The following MEIS2 variants were observed in gnomAD, a reference collection of about 807,000 sequenced individuals.
MEIS2 encodes the protein Meis homeobox 2.
MEIS2 carries 9 observed loss-of-function variants against 58.6 expected under a neutral mutation model. That is an observed-to-expected ratio of 0.15 (90% CI 0.09 to 0.27). The LOEUF is 0.27. Among genes scored for constraint, MEIS2 ranks in the 10% least tolerant of loss-of-function variants. The pLI, the probability that MEIS2 is intolerant of heterozygous loss-of-function variation, is 1.00. For missense variants in MEIS2, 427 were observed against 635.0 expected, an observed-to-expected ratio of 0.67 and a Z score of 3.52; for synonymous variants, 221 against 228.4, an observed-to-expected ratio of 0.97 and a Z score of 0.29.
intron 8 of MEIS2, among the ~76,000 whole-genome samples, chr15:36,989,182 T>C (rs1277263932): frequency 1.3e-5 from 2 of 152,202 alleles, no homozygotes; most frequent in East Asian, 3.8e-4. Flanking sequence ...AAGAGTCATG[T>C]TCTTTGAGAG....
At chr15:37,091,470 G>A (rs1893506221) in intron 6 of MEIS2, among the ~76,000 whole-genome samples, 1 of 152,158 alleles carries the variant, frequency 6.6e-6, no homozygotes, top group Admixed American at 6.5e-5. Flanking sequence ...GACACCCAAT[G>A]AAGTGGCAAG....
intron 8 of MEIS2, 30 bp downstream of exon 8, chr15:37,036,784 A>ATTTTTTTTTTT (rs199651822): frequency 1.4e-6 from 2 of 1,479,164 alleles, no homozygotes; most frequent in Admixed American, 1.8e-5. Context: ...AACAAAAACT[A>ATTTTTTTTTTT]TTTTTTTTTT....
Position 37,095,573 on chromosome 15 carries a change from C to T in MEIS2, c.429G>A (p.Leu143=), listed in dbSNP as rs1230153257. The stretch of plus-strand genomic sequence containing the variant: ...GAACAGAGAGCCTTACCAAATTGTC[C>T]AGCTCTGGATTTGAGGAAAAAAGTG... ...EKPLFSSNPE[L]DNLMIQAIQV... Residue 143 remains leucine (L), a synonymous_variant, in exon 4 of 12, where the codon CTG becomes CTA. Transcript: ENST00000561208. 5 of 1,614,188 alleles carry T rather than the reference C, an allele frequency of 3.1e-6. No individual in the cohort carries two copies. The highest frequency in any genetic ancestry group is 4.2e-6 in the Non-Finnish European group (5 of 1,180,034).
chr15:37,068,405 G>A (rs1200363555), intron 7 of MEIS2, among the ~76,000 whole-genome samples: 1 of 152,154 alleles, frequency 6.6e-6, no homozygotes, highest in Non-Finnish European at 1.5e-5. Context: ...CAAATTTTGG[G>A]AGTGCTAACA....
chr15:36,916,108 C>T (rs748291799), intron 9 of MEIS2, among the ~76,000 whole-genome samples: 2 of 151,786 alleles, frequency 1.3e-5, no homozygotes, highest in Non-Finnish European at 2.9e-5. Flanking sequence ...TCCTTTTCTT[C>T]TTCTTCTTTT....
At chr15:36,936,321 G>A (rs889616778) in intron 9 of MEIS2, among the ~76,000 whole-genome samples, 2 of 151,486 alleles carry the variant, frequency 1.3e-5, no homozygotes, top group South Asian at 2.1e-4. Flanking sequence ...TCAGCCTCCC[G>A]AGTAGCTGGG....
At chr15:37,058,132 T>C (rs1185339607) in intron 7 of MEIS2, among the ~76,000 whole-genome samples, 1 of 152,076 alleles carries the variant, frequency 6.6e-6, no homozygotes, top group Non-Finnish European at 1.5e-5. Context: ...AATGGACTCA[T>C]TCTTTTCTCC....
At chr15:36,913,888 G>A (rs545607354) in intron 9 of MEIS2, among the ~76,000 whole-genome samples, 2 of 152,280 alleles carry the variant, frequency 1.3e-5, no homozygotes, top group Admixed American at 6.5e-5. Context: ...CCGCCATCTT[G>A]TTTTGCTTTG....
Position 36,906,468 on chromosome 15 carries a change from G to T in MEIS2, c.978-9782C>A, listed in dbSNP as rs571329913. Among the ~76,000 whole-genome samples, 8 of 152,200 alleles carry T rather than the reference G, an allele frequency of 5.3e-5. No individual in the cohort carries two copies. In the East Asian group the frequency reaches 5.8e-4, roughly 11 times the overall value. The stretch of plus-strand genomic sequence containing the variant: ...AAAAAGGAGAGATACAAATACAAAA[G>T]ATATTAAGAGGATAAGTCTGAGAAT... On this transcript the variant is annotated intron_variant, in intron 9 of 11. Coordinates refer to ENST00000561208, the MANE Select transcript of MEIS2 (RefSeq NM_170675.5).
intron 8 of MEIS2, among the ~76,000 whole-genome samples, chr15:36,980,550 C>A (rs775086779): frequency 6.6e-6 from 1 of 152,080 alleles, no homozygotes; most frequent in Admixed American, 6.6e-5. Flanking sequence ...ATGGGAAACA[C>A]CTGCCCCCAT....
chr15:37,072,497 C>CT (rs904617581), intron 7 of MEIS2, among the ~76,000 whole-genome samples: 3 of 151,998 alleles, frequency 2.0e-5, no homozygotes, highest in East Asian at 3.9e-4. Flanking sequence ...TCTCCAGCCT[C>CT]TTTTTTTTCA....
chr15:36,890,100 C>T lies in MEIS2; in HGVS notation c.*2073G>A, dbSNP rs1194852487. ...AGCCCCAAATAATAACTATGGATTT[C>T]TTCCAAGTTTAAGTTTGCAGAGATG... is the stretch of plus-strand genomic sequence containing the variant. On this transcript the variant is annotated 3_prime_UTR_variant, in exon 12 of 12. Coordinates refer to ENST00000561208, the MANE Select transcript of MEIS2 (RefSeq NM_170675.5). 1 of 152,158 alleles carries T rather than the reference C, an allele frequency of 6.6e-6. No homozygotes were observed. The highest frequency in any genetic ancestry group is 1.5e-5 in the Non-Finnish European group (1 of 68,002). 9.4% of individuals were successfully genotyped at this position (152,158 alleles called of 1,614,324 possible). A position where few individuals can be genotyped will look rare whatever the true frequency, so the allele number is the denominator to read the frequency against.
chr15:37,045,780 C>T (rs1275153792), intron 7 of MEIS2, among the ~76,000 whole-genome samples: 3 of 152,064 alleles, frequency 2.0e-5, no homozygotes, highest in East Asian at 1.9e-4. Flanking sequence ...GTTCATGGCC[C>T]GCTAGCATGG....
At chr15:37,098,379 G>GGGGAGAGAGAGAGAGAGAGAGA (rs1555474098) in intron 1 of MEIS2, 180 bp from the exon 2 acceptor site, 1 of 293,106 alleles carries the variant, frequency 3.4e-6, no homozygotes, top group Non-Finnish European at 4.2e-6. Flanking sequence ...GAGGAGAGGG[G>GGGGAGAGAGAGAGAGAGAGAGA]GAGAGAGAGA....
intron 8 of MEIS2, among the ~76,000 whole-genome samples, chr15:37,032,306 G>A (rs2061963055): frequency 1.3e-5 from 2 of 152,166 alleles, no homozygotes; most frequent in South Asian, 2.1e-4. Flanking sequence ...CACAACTGGA[G>A]GAGCTCTTGA....
chr15:36,992,012 C>A (rs1169233867), intron 8 of MEIS2, among the ~76,000 whole-genome samples: 2 of 151,182 alleles, frequency 1.3e-5, no homozygotes, highest in African/African-American at 4.9e-5. Context: ...TGGTCTCGAT[C>A]TCCTGACCTC....
chr15:36,971,419 C>T (rs2059553119), intron 8 of MEIS2, among the ~76,000 whole-genome samples: 1 of 151,020 alleles, frequency 6.6e-6, no homozygotes, highest in Admixed American at 6.6e-5. Context: ...TGCCTATATG[C>T]CAAAGCTCCT....
intron 8 of MEIS2, among the ~76,000 whole-genome samples, chr15:37,016,800 C>T (rs987500484): frequency 1.3e-5 from 2 of 152,152 alleles, no homozygotes; most frequent in African/African-American, 4.8e-5. Flanking sequence ...CCCAAAATAA[C>T]TAGCAGATGG....
intron 8 of MEIS2, among the ~76,000 whole-genome samples, chr15:36,977,766 G>T (rs369543780): frequency 2.0e-5 from 3 of 152,152 alleles, no homozygotes; most frequent in South Asian, 2.1e-4. Context: ...CTTAGAAAAG[G>T]CTGGTTGATC....
Sources: allele counts gnomAD v4.1 joint callset (sites outside exome capture counted in the v4.1 genomes callset), GRCh38; gene constraint gnomAD v4.1.1; transcripts MANE v1.5; gene names NCBI Gene and HGNC (gene_info 2026-07-23, HGNC 2026-07-21).